Variants in BEND6 observed in about 807,000 individuals in gnomAD.
BEND6 encodes BEN domain-containing protein 6.
BEND6 carries 24 observed loss-of-function variants against 31.8 expected under a neutral mutation model. The ratio of observed to expected loss-of-function variants is 0.75; its 90% confidence interval spans 0.55 to 1.06. BEND6 has a LOEUF of 1.06. Ranked by LOEUF, BEND6 falls within the 50% of genes least tolerant of loss-of-function variation. The pLI is 0.00. For synonymous variants in BEND6, 109 were observed against 114.6 expected, an observed-to-expected ratio of 0.95 and a Z score of 0.31; for missense variants, 294 against 327.4, an observed-to-expected ratio of 0.90 and a Z score of 0.79.
intron 3 of BEND6, among the ~76,000 whole-genome samples, chr6:57,003,766 A>T (rs1827037285): frequency 6.6e-6 from 1 of 152,144 alleles, no homozygotes; most frequent in African/African-American, 2.4e-5. Flanking sequence ...ATGAACATAG[A>T]TGCAAAAATC....
intron 2 of BEND6, among the ~76,000 whole-genome samples, chr6:56,989,122 A>G (rs1443230542): frequency 6.6e-6 from 1 of 150,440 alleles, no homozygotes; most frequent in African/African-American, 2.4e-5. Flanking sequence ...ATTTCTATAT[A>G]AATATATTAT....
At chr6:56,959,626 C>A (rs1310290794) in intron 1 of BEND6, among the ~76,000 whole-genome samples, 2 of 152,146 alleles carry the variant, frequency 1.3e-5, no homozygotes, top group Admixed American at 1.3e-4. Flanking sequence ...TGATTTCCAG[C>A]CACCAGAACC....
At chr6:56,964,511 T>C (rs1045503411) in intron 1 of BEND6, among the ~76,000 whole-genome samples, 42 of 151,942 alleles carry the variant, frequency 2.8e-4, no homozygotes, top group Non-Finnish European at 4.7e-4. Context: ...TTTTTGTCTT[T>C]TTTTTTTTGA....
intron 1 of BEND6, among the ~76,000 whole-genome samples, chr6:56,958,903 G>A (rs1395095796): frequency 6.6e-6 from 1 of 152,188 alleles, no homozygotes; most frequent in African/African-American, 2.4e-5. Flanking sequence ...ACATTAATGA[G>A]TTGAGGGGGG....
chr6:57,017,475 T>C (rs986496312), intron 5 of BEND6, 76 bp downstream of exon 5: 12 of 1,126,390 alleles, frequency 1.1e-5, no homozygotes, highest in Non-Finnish European at 1.4e-5. Flanking sequence ...TAGTCTTTCA[T>C]GGTCCTTTTA....
At chr6:56,982,130 AG>A (rs1826094517) in intron 2 of BEND6, among the ~76,000 whole-genome samples, 200 bp downstream of exon 2, 1 of 152,118 alleles carries the variant, frequency 6.6e-6, no homozygotes, top group Admixed American at 6.6e-5. Context: ...TGTGTTGCCC[AG>A]GCTGGTCTCA....
At chr6:56,992,845 C>T (rs1391017331) in intron 3 of BEND6, among the ~76,000 whole-genome samples, 1 of 152,142 alleles carries the variant, frequency 6.6e-6, no homozygotes, top group African/African-American at 2.4e-5. Flanking sequence ...ATACACGACT[C>T]ACAGTGCTAA....
At chr6:57,000,719 G>C (rs1459271396) in intron 3 of BEND6, among the ~76,000 whole-genome samples, 2 of 151,764 alleles carry the variant, frequency 1.3e-5, no homozygotes, top group Non-Finnish European at 2.9e-5. Flanking sequence ...AAGAGCAGGT[G>C]TGTTGTGGCT....
At chr6:57,013,660 G>A (rs533671533) in intron 3 of BEND6, 6 of 152,556 alleles carry the variant, frequency 3.9e-5, no homozygotes, top group East Asian at 1.9e-4. Context: ...GATGAGTGGC[G>A]AAGATACTCC....
intron 1 of BEND6, chr6:56,976,144 C>T (rs1474433916): frequency 2.4e-5 from 5 of 211,268 alleles, no homozygotes; most frequent in Non-Finnish European, 4.8e-5. Flanking sequence ...TTTTTATTAT[C>T]AGTGCATGCC....
rs371084196 is a variant in BEND6, at chr6:56,992,815, T to A, written c.298+260T>A. Among the ~76,000 whole-genome samples, 137 of 152,302 alleles carry A rather than the reference T, an allele frequency of 9.0e-4. 5 individuals are homozygous for A. The South Asian group carries it at 0.028, about 31-fold the overall frequency. On this transcript the variant is annotated intron_variant, in intron 3 of 6. Coordinates refer to ENST00000370746, the MANE Select transcript of BEND6 (RefSeq NM_152731.3). ...TATTCATTTAATAGTTTTTAAGAGATTATTTATTGAGCATTTAATATACAC... is the reference window on the plus strand; with the variant it reads ...TATTCATTTAATAGTTTTTAAGAGAATATTTATTGAGCATTTAATATACAC...
At chr6:57,016,894 T>A (rs895153122) in intron 4 of BEND6, among the ~76,000 whole-genome samples, 1 of 152,144 alleles carries the variant, frequency 6.6e-6, no homozygotes, top group African/African-American at 2.4e-5. Flanking sequence ...CTACTACATT[T>A]ACGATGAAGC....
chr6:56,993,765 A>G (rs1381091884), intron 3 of BEND6, among the ~76,000 whole-genome samples: 8 of 152,256 alleles, frequency 5.3e-5, no homozygotes, highest in South Asian at 2.1e-4. Context: ...TGGTGAGATC[A>G]TAGCTTACTG....
intron 4 of BEND6, 38 bp downstream of exon 4, chr6:57,015,391 T>C: frequency 6.6e-7 from 1 of 1,524,500 alleles, no homozygotes; most frequent in Non-Finnish European, 9.0e-7. Context: ...CTTTGGAATA[T>C]GCTTAAATAA....
chr6:56,962,639 G>A (rs1483200625), intron 1 of BEND6, among the ~76,000 whole-genome samples: 1 of 152,194 alleles, frequency 6.6e-6, no homozygotes, highest in Non-Finnish European at 1.5e-5. Flanking sequence ...TCAGTCTGTG[G>A]TCATTTGTAA....
intron 3 of BEND6, among the ~76,000 whole-genome samples, chr6:56,999,580 T>C (rs1400058002): frequency 6.6e-6 from 1 of 152,234 alleles, no homozygotes; most frequent in Non-Finnish European, 1.5e-5. Flanking sequence ...TCAGTGCTGA[T>C]GCTTGTGCCT....
At chr6:56,987,144 AT>A (rs1228127539) in intron 2 of BEND6, among the ~76,000 whole-genome samples, 5 of 151,308 alleles carry the variant, frequency 3.3e-5, no homozygotes, top group Admixed American at 6.6e-5. Context: ...CGCCTGGCTA[AT>A]TTTTTTGTAT....
intron 2 of BEND6, among the ~76,000 whole-genome samples, chr6:56,984,943 A>G (rs967896073): frequency 1.3e-5 from 2 of 152,230 alleles, no homozygotes; most frequent in Admixed American, 1.3e-4. Context: ...AAACTTGAAG[A>G]TTGAATATTA....
intron 3 of BEND6, among the ~76,000 whole-genome samples, chr6:57,002,399 C>T (rs1212549474): frequency 6.6e-6 from 1 of 152,174 alleles, no homozygotes; most frequent in African/African-American, 2.4e-5. Context: ...CACCCATCAA[C>T]CACAGAATAT....
Sources: gnomAD v4.1 joint callset for allele counts (sites outside exome capture counted in the v4.1 genomes callset) on GRCh38, gnomAD v4.1.1 for gene constraint, MANE v1.5 for transcripts, NCBI Gene and HGNC (gene_info 2026-07-23, HGNC 2026-07-21) for gene names.